The following NRXN1 variants were observed in gnomAD, a reference collection of about 807,000 sequenced individuals.
NRXN1 encodes neurexin-1.
A neutral mutation model predicts 150.9 loss-of-function variants in NRXN1; 39 were observed. The observed-to-expected ratio is 0.26, with a 90% CI of 0.20 to 0.34. The LOEUF (loss-of-function observed/expected upper bound fraction) is 0.34, where lower values mean the gene tolerates loss of function less well. Ranked by LOEUF, NRXN1 falls within the 10% of genes least tolerant of loss-of-function variation. NRXN1 has a pLI of 1.00. For missense variants in NRXN1, 1,815 were observed against 1,949.9 expected (o/e 0.93, Z 1.30); for synonymous variants, 924 against 757.0 (o/e 1.22, Z -3.62).
chr2:50,739,202 G>A (rs921435137), intron 5 of NRXN1: 2 of 478,728 alleles, frequency 4.2e-6, no homozygotes, highest in Admixed American at 4.2e-5. Context: ...TTTTCTGACA[G>A]TACAGTAGAA....
chr2:50,493,923 TAC>T (rs2091411130), intron 15 of NRXN1, among the ~76,000 whole-genome samples: 1 of 152,338 alleles, frequency 6.6e-6, no homozygotes, highest in Non-Finnish European at 1.5e-5. Context: ...AGTTCATACT[TAC>T]AGTGTTTTTT....
intron 18 of NRXN1, among the ~76,000 whole-genome samples, chr2:50,147,685 T>C (rs1484957760): frequency 1.3e-5 from 2 of 151,718 alleles, no homozygotes; most frequent in East Asian, 3.9e-4. Context: ...TCTAACCCAC[T>C]TGTAAAATTA....
intron 22 of NRXN1, among the ~76,000 whole-genome samples, chr2:49,930,073 C>T (rs888421066): frequency 9.2e-5 from 14 of 151,982 alleles, no homozygotes; most frequent in African/African-American, 2.9e-4. Flanking sequence ...GAGAAGTCTA[C>T]GAAAAACATG....
chr2:50,559,438 A>G (rs2105381629), intron 8 of NRXN1, among the ~76,000 whole-genome samples: 1 of 152,342 alleles, frequency 6.6e-6, no homozygotes, highest in Admixed American at 6.5e-5. Flanking sequence ...GACACGTGCT[A>G]TGGTAGGATC....
chr2:50,370,392 C>T (rs1410721957), intron 17 of NRXN1, among the ~76,000 whole-genome samples: 1 of 151,930 alleles, frequency 6.6e-6, no homozygotes, highest in African/African-American at 2.4e-5. Flanking sequence ...TAAGCAACAC[C>T]GATGCTCACA....
chr2:50,419,946 T>G (rs906147408), intron 17 of NRXN1, among the ~76,000 whole-genome samples: 1 of 152,030 alleles, frequency 6.6e-6, no homozygotes, highest in Non-Finnish European at 1.5e-5. Context: ...TACATCTGAA[T>G]GCATGGCTAA....
intron 19 of NRXN1, among the ~76,000 whole-genome samples, chr2:50,060,827 C>T (rs1221517857): frequency 6.6e-6 from 1 of 152,162 alleles, no homozygotes; most frequent in African/African-American, 2.4e-5. Flanking sequence ...AATGTGAGGC[C>T]TCCCCAGCCA....
intron 18 of NRXN1, among the ~76,000 whole-genome samples, chr2:50,116,660 C>T (rs1007140634): frequency 1.3e-5 from 2 of 151,930 alleles, no homozygotes; most frequent in African/African-American, 4.8e-5. Flanking sequence ...TACCTCTTCC[C>T]CACATCTCTT....
At chr2:50,452,212 A>G (rs1174977009) in intron 17 of NRXN1, among the ~76,000 whole-genome samples, 1 of 152,220 alleles carries the variant, frequency 6.6e-6, no homozygotes, top group Non-Finnish European at 1.5e-5. Context: ...TTCTTTTTCC[A>G]AGTTCTTCCT....
chr2:50,251,453 C>T (rs148611006), intron 17 of NRXN1, among the ~76,000 whole-genome samples: 1 of 152,102 alleles, frequency 6.6e-6, no homozygotes, highest in Non-Finnish European at 1.5e-5. Context: ...GGAGTGGTTC[C>T]ATGTCTTTGC....
At chr2:50,960,516 C>T (rs1692997583) in intron 2 of NRXN1, among the ~76,000 whole-genome samples, 1 of 151,852 alleles carries the variant, frequency 6.6e-6, no homozygotes, top group Admixed American at 6.6e-5. Context: ...GTGGTAAACC[C>T]CAAGCTGGTG....
At chr2:49,980,885 C>G (rs1472878862) in intron 21 of NRXN1, among the ~76,000 whole-genome samples, 1 of 152,034 alleles carries the variant, frequency 6.6e-6, no homozygotes, top group Non-Finnish European at 1.5e-5. Context: ...CTACTGAAGT[C>G]AGATGAAAAC....
intron 17 of NRXN1, among the ~76,000 whole-genome samples, chr2:50,247,081 T>G (rs2066567655): frequency 6.6e-6 from 1 of 152,082 alleles, no homozygotes; most frequent in African/African-American, 2.4e-5. Flanking sequence ...ATCCCATGCC[T>G]ACATCCATCA....
rs564526621 is a variant in NRXN1 at position 50,113,485 on chromosome 2, G to A, written c.3547-21991C>T. ...AGTATTTTTTGTCCATGGAAGTTCTGTAATCTGTACCAGGAAAATAATTAA... is the reference window on the plus strand; with the variant it reads ...AGTATTTTTTGTCCATGGAAGTTCTATAATCTGTACCAGGAAAATAATTAA... On this transcript the variant is annotated intron_variant, in intron 18 of 22. Coordinates refer to ENST00000401669, the MANE Select transcript of NRXN1 (RefSeq NM_001330078.2). Among the ~76,000 whole-genome samples the A allele has an allele frequency of 2.6e-5, 4 of 152,268 alleles. No homozygotes were observed. In the East Asian group the frequency reaches 7.7e-4, roughly 29 times the overall value.
At chr2:50,115,217 G>GTATACA (rs1553626155) in intron 18 of NRXN1, among the ~76,000 whole-genome samples, 9 of 134,914 alleles carry the variant, frequency 6.7e-5, no homozygotes, top group Non-Finnish European at 9.4e-5. Context: ...TATGTTATGT[G>GTATACA]TATATATATA....
At chr2:50,962,315 T>G in intron 2 of NRXN1, among the ~76,000 whole-genome samples, 1 of 151,888 alleles carries the variant, frequency 6.6e-6, no homozygotes, top group Middle Eastern at 3.4e-3. Context: ...ATTCTGATTA[T>G]CTTCCTGAGT....
intron 17 of NRXN1, among the ~76,000 whole-genome samples, chr2:50,329,644 TATATATATATATATATATATATATATA>T (rs2076673284): frequency 2.9e-4 from 2 of 6,814 alleles, no homozygotes; most frequent in African/African-American, 2.8e-3. Context: ...TATATATATA[TATATATATATATATATATATATATATA>T]TATTTTTTTT....
chr2:50,478,783 C>T (rs2090204157), intron 15 of NRXN1, among the ~76,000 whole-genome samples: 1 of 152,186 alleles, frequency 6.6e-6, no homozygotes, highest in African/African-American at 2.4e-5. Context: ...TCTAGTCTAC[C>T]TGCTCTCCAG....
At chr2:49,957,825 G>A (rs976172289) in intron 21 of NRXN1, among the ~76,000 whole-genome samples, 8 of 152,158 alleles carry the variant, frequency 5.3e-5, no homozygotes, top group Admixed American at 3.9e-4. Context: ...GGACTTAGGA[G>A]TATATCCCAG....
Sources: allele counts gnomAD v4.1 joint callset (sites outside exome capture counted in the v4.1 genomes callset), GRCh38; gene constraint gnomAD v4.1.1; transcripts MANE v1.5; gene names NCBI Gene and HGNC (gene_info 2026-07-23, HGNC 2026-07-21).